Variants in AKT1 observed in about 807,000 individuals in gnomAD.
AKT1 encodes AKT serine/threonine kinase 1, also known as RAC-alpha serine/threonine-protein kinase.
In AKT1, 21 loss-of-function variants were observed where a neutral mutation model predicts 63.1. The observed-to-expected ratio is 0.33, with a 90% CI of 0.24 to 0.48. The LOEUF is 0.48. Among genes scored for constraint, AKT1 ranks in the 20% least tolerant of loss-of-function variants. The pLI is 0.99. For missense variants in AKT1, 382 were observed against 666.0 expected (o/e 0.57, Z 4.69); for synonymous variants, 257 against 253.1 (o/e 1.02, Z -0.15).
chr14:104,783,801 C>T (rs1185290860), intron 3 of AKT1, among the ~76,000 whole-genome samples: 6 of 152,200 alleles, frequency 3.9e-5, no homozygotes, highest in East Asian at 1.9e-4. Context: ...AGTCCCCACC[C>T]GCTGCACATG....
At chr14:104,778,883 C>A (rs1294024995) in intron 4 of AKT1, among the ~76,000 whole-genome samples, 1 of 152,190 alleles carries the variant, frequency 6.6e-6, no homozygotes, top group Non-Finnish European at 1.5e-5. Flanking sequence ...CTGGTGGGCA[C>A]CTCGCTCTGC....
chr14:104,771,584 A>T (rs902306246), intron 13 of AKT1: 2 of 232,942 alleles, frequency 8.6e-6, no homozygotes, highest in Non-Finnish European at 1.7e-5. Context: ...AGGAACGGGG[A>T]CCAGGACCAG....
At chr14:104,774,220 G>GCCACGCTGCCCCACA in intron 8 of AKT1, 2 of 524,176 alleles carry the variant, frequency 3.8e-6, no homozygotes, top group South Asian at 2.0e-5. Flanking sequence ...CTGCCCCCAT[G>GCCACGCTGCCCCACA]CCACGCTGCC....
chr14:104,786,321 A>G (rs1033812188), intron 3 of AKT1: 3 of 152,282 alleles, frequency 2.0e-5, no homozygotes, highest in African/African-American at 4.8e-5. Flanking sequence ...GAAGCTGGGC[A>G]TGGGGACAGC....
chr14:104,771,096 A>C, intron 13 of AKT1: 1 of 518,906 alleles, frequency 1.9e-6, no homozygotes. Flanking sequence ...CAGCCCCAGC[A>C]GGCGACAGGA....
chr14:104,770,905 C>T, intron 13 of AKT1, 58 bp from the exon 14 acceptor site: 1 of 1,435,706 alleles, frequency 7.0e-7, no homozygotes, highest in Non-Finnish European at 9.7e-7. Context: ...CCAGCACACC[C>T]TCAAGTGTGC....
In AKT1 at chr14:104,769,518, T is replaced by C; in HGVS notation, c.*823A>G. 1.9e-6 allele frequency: 1 copy of C among 529,976 alleles called. No individual in the cohort carries two copies. Among genetic ancestry groups the C allele is most frequent in the Non-Finnish European group, 3.6e-6 (1 of 274,300 alleles). The allele number at this position is 529,976 out of a possible 1,614,324, so 32.8% of individuals were successfully genotyped here. A position where few individuals can be genotyped will look rare whatever the true frequency, so the allele number is the denominator to read the frequency against. ...CAGGGATGGCCACCCCCACAGGGAG[T>C]CAGGGAGGGCCTGGGGCGACAGCGG... On this transcript the variant is annotated 3_prime_UTR_variant, in exon 15 of 15. Coordinates refer to ENST00000649815, the MANE Select transcript of AKT1 (RefSeq NM_001382430.1).
chr14:104,782,179 C>T (rs1893088860), intron 3 of AKT1, among the ~76,000 whole-genome samples: 1 of 152,006 alleles, frequency 6.6e-6, no homozygotes, highest in Non-Finnish European at 1.5e-5. Context: ...GCAGCCCACC[C>T]CACCCGTCCC....
chr14:104,772,575 C>T (rs1892454938), intron 12 of AKT1, 123 bp from the exon 13 acceptor site: 2 of 977,058 alleles, frequency 2.0e-6, no homozygotes, highest in South Asian at 2.9e-5. Flanking sequence ...GGGAGGGGAG[C>T]CGGTGGTGCA....
chr14:104,782,282 T>TG (rs1419483651), intron 3 of AKT1, among the ~76,000 whole-genome samples: 2 of 151,740 alleles, frequency 1.3e-5, no homozygotes, highest in Admixed American at 1.3e-4. Context: ...TCCTGCCAGC[T>TG]GCCACTCCCC....
intron 3 of AKT1, among the ~76,000 whole-genome samples, chr14:104,785,447 G>C (rs1893283477): frequency 1.3e-5 from 2 of 152,196 alleles, no homozygotes; most frequent in South Asian, 4.1e-4. Flanking sequence ...AAGCCCTTCT[G>C]AGGGGGCACA....
rs954111648 is a variant in AKT1 at position 104,794,975 on chromosome 14, C to G, written c.-258+509G>C. ...TCCGGGGCCCAGGAGGGTCACAGTC[C>G]TTTGTGGCTAGCCTGGGTACCCCGC... On this transcript the variant is annotated intron_variant, in intron 1 of 14. Transcript: ENST00000649815. 2.7e-4 allele frequency: 41 copies of G among 152,404 alleles called. 1 individual carries two copies. Among genetic ancestry groups the G allele is most frequent in the Middle Eastern group, 3.4e-3 (1 of 294 alleles). 9.4% of individuals were successfully genotyped at this position (152,404 alleles called of 1,614,324 possible). A position where few individuals can be genotyped will look rare whatever the true frequency, so the allele number is the denominator to read the frequency against.
chr14:104,770,311 A>T lies in AKT1; in HGVS notation c.*30T>A. 6.3e-7 allele frequency: 1 copy of T among 1,595,878 alleles called. No homozygotes were observed. Among genetic ancestry groups the T allele is most frequent in the Non-Finnish European group, 8.5e-7 (1 of 1,173,772 alleles). On this transcript the variant is annotated 3_prime_UTR_variant, in exon 15 of 15. Transcript: ENST00000649815. ...ACGAGGCCGCCTCTCCATCCCTCCA[A>T]GCTATCGTCCAGCGCAGTCCACCGC...
intron 9 of AKT1, 53 bp downstream of exon 9, chr14:104,773,859 C>G: frequency 6.5e-7 from 1 of 1,536,294 alleles, no homozygotes; most frequent in Admixed American, 1.8e-5. Flanking sequence ...ACCGGCCCCA[C>G]CATGGGCGGC....
chr14:104,777,689 A>G, intron 4 of AKT1: 6 of 986,204 alleles, frequency 6.1e-6, no homozygotes, highest in East Asian at 1.1e-4. Context: ...GCTCTGGCCC[A>G]GCCTGTGCAA....
rs559789852 is a variant in AKT1, at chr14:104,769,563, G to A, written c.*778C>T. ...CAGCGGAAAGGTTAAGCGTCGAAAA[G>A]GTCAAGTGCTACCGTGGAGAGATCA... is the stretch of plus-strand genomic sequence containing the variant. On this transcript the variant is annotated 3_prime_UTR_variant, in exon 15 of 15. Coordinates refer to ENST00000649815, the MANE Select transcript of AKT1 (RefSeq NM_001382430.1). 3.7e-5 allele frequency: 20 copies of A among 534,784 alleles called. No homozygotes were observed. Among genetic ancestry groups the A allele is most frequent in the South Asian group, 2.8e-4 (18 of 65,158 alleles). 33.1% of individuals were successfully genotyped at this position (534,784 alleles called of 1,614,324 possible).
At position 104,782,665 on chromosome 14, in the gene AKT1, G is replaced by A. The variant is rs370899884; in HGVS notation, c.47-2449C>T. Reference sequence around the variant, plus strand: ...CCTGGGCTTTCAGTGCCTTCCCCTCGCCTGGCCCCACAGACCCAGGGAACA... The same window carrying A: ...CCTGGGCTTTCAGTGCCTTCCCCTCACCTGGCCCCACAGACCCAGGGAACA... On this transcript the variant is annotated intron_variant, in intron 3 of 14. Coordinates refer to ENST00000649815, the MANE Select transcript of AKT1 (RefSeq NM_001382430.1). Among the ~76,000 whole-genome samples, 137 of 152,266 alleles carry A rather than the reference G, an allele frequency of 9.0e-4. 1 individual carries two copies. The highest frequency in any genetic ancestry group is 1.1e-3 in the Admixed American group (17 of 15,298).
At chr14:104,787,949 T>C (rs1893421002) in intron 3 of AKT1, among the ~76,000 whole-genome samples, 1 of 152,212 alleles carries the variant, frequency 6.6e-6, no homozygotes, top group Non-Finnish European at 1.5e-5. Context: ...ACCTCCCTGA[T>C]GCTGGCGGCC....
At position 104,770,218 on chromosome 14, in the gene AKT1, T is replaced by C; in HGVS notation, c.*123A>G. On this transcript the variant is annotated 3_prime_UTR_variant, in exon 15 of 15. Transcript: ENST00000649815. ...CACAAAAACGTCTTTCCATCTGGGC[T>C]CGAGAGGACAGCGTGGCTTCTCTCA... 1 of 1,097,664 alleles carries C rather than the reference T, an allele frequency of 9.1e-7. No homozygotes were observed. Among genetic ancestry groups the C allele is most frequent in the Non-Finnish European group, 1.3e-6 (1 of 748,714 alleles). 68.0% of individuals were successfully genotyped at this position (1,097,664 alleles called of 1,614,324 possible). A position where few individuals can be genotyped will look rare whatever the true frequency, so the allele number is the denominator to read the frequency against.
Sources: gnomAD v4.1 joint callset for allele counts (sites outside exome capture counted in the v4.1 genomes callset) on GRCh38, gnomAD v4.1.1 for gene constraint, MANE v1.5 for transcripts, NCBI Gene and HGNC (gene_info 2026-07-23, HGNC 2026-07-21) for gene names.